The following SLC35G2 variants were observed in gnomAD, a reference collection of about 807,000 sequenced individuals.
The protein encoded by SLC35G2 is solute carrier family 35 member G2, also known as transmembrane protein 22.
SLC35G2 carries 20 observed loss-of-function variants against 27.2 expected under a neutral mutation model. The ratio of observed to expected loss-of-function variants is 0.74; its 90% CI spans 0.52 to 1.07. SLC35G2 has a LOEUF of 1.07. Ranked by LOEUF, SLC35G2 falls within the 50% of genes least tolerant of loss-of-function variation. SLC35G2 has a pLI of 0.00. For missense variants in SLC35G2, 416 were observed against 493.3 expected (o/e 0.84, Z 1.48); for synonymous variants, 148 against 165.3 (o/e 0.90, Z 0.80).
intron 1 of SLC35G2, among the ~76,000 whole-genome samples, chr3:136,844,797 CAAAAAAAAAAAA>C (rs58243269): frequency 2.8e-5 from 1 of 35,760 alleles, no homozygotes; most frequent in Non-Finnish European, 5.7e-5. Context: ...CTCTCTGTCT[CAAAAAAAAAAAA>C]AAAAAAAAAA....
chr3:136,829,854 A>T (rs978070152), intron 1 of SLC35G2, among the ~76,000 whole-genome samples: 12 of 151,790 alleles, frequency 7.9e-5, no homozygotes, highest in Non-Finnish European at 1.6e-4. Flanking sequence ...TCCTTTCTTT[A>T]TCCTTGATCT....
At chr3:136,847,907 G>A (rs562028717) in intron 1 of SLC35G2, among the ~76,000 whole-genome samples, 1 of 152,196 alleles carries the variant, frequency 6.6e-6, no homozygotes, top group African/African-American at 2.4e-5. Flanking sequence ...AACCTGGGAG[G>A]CAGAGGTTGC....
In SLC35G2 at chr3:136,838,246, C is replaced by CATATATATATATAT. The variant is rs6148084; in HGVS notation, c.-18-16173_-18-16160dup. The CATATATATATATAT allele has an allele frequency of 1.6e-3, 228 of 140,906 alleles. 1 individual carries two copies. Among genetic ancestry groups the CATATATATATATAT allele is most frequent in the African/African-American group, 5.9e-3 (220 of 37,256 alleles). The allele number at this position is 140,906 out of a possible 1,614,324, so 8.7% of individuals were successfully genotyped here. On this transcript the variant is annotated intron_variant, in intron 1 of 1. Transcript: ENST00000446465. ...CTCTTCAATTTTGCAGTAGCATATA[C>CATATATATATATAT]ATATATATATATATATATATATATA...
At chr3:136,850,665 T>A (rs562586208) in intron 1 of SLC35G2, among the ~76,000 whole-genome samples, 1 of 152,036 alleles carries the variant, frequency 6.6e-6, no homozygotes, top group Non-Finnish European at 1.5e-5. Flanking sequence ...TTTGTATTTG[T>A]ATCCAAAAAT....
rs1360715673 is a variant in SLC35G2 at position 136,833,043 on chromosome 3, TG to T, written c.-19+13418del. Among the ~76,000 whole-genome samples the T allele has an allele frequency of 2.9e-5, 4 of 139,742 alleles. No homozygotes were observed. The Admixed American group carries it at 3.1e-4, about 11-fold the overall frequency. The allele number at this position is 139,742 out of a possible 152,430, so 91.7% of individuals were successfully genotyped here. On this transcript the variant is annotated intron_variant, in intron 1 of 1. Transcript: ENST00000446465. Reference sequence around the variant, plus strand: ...GAGATCGCGCCACTGCACTCCAGCCTGGGTGACAACAGCGAGACTCTGTCTC... The same window carrying T: ...GAGATCGCGCCACTGCACTCCAGCCTGGTGACAACAGCGAGACTCTGTCTC...
intron 1 of SLC35G2, among the ~76,000 whole-genome samples, chr3:136,833,495 A>G (rs1040795917): frequency 6.6e-6 from 1 of 152,126 alleles, no homozygotes; most frequent in Non-Finnish European, 1.5e-5. Flanking sequence ...GACTGGTTTC[A>G]TGGAAGACAG....
At chr3:136,829,123 G>C (rs919106833) in intron 1 of SLC35G2, among the ~76,000 whole-genome samples, 2 of 151,884 alleles carry the variant, frequency 1.3e-5, no homozygotes, top group African/African-American at 4.8e-5. Flanking sequence ...TTATCATTTA[G>C]TCTTTCTACA....
intron 1 of SLC35G2, among the ~76,000 whole-genome samples, chr3:136,836,575 G>GA (rs1242482248): frequency 2.6e-5 from 4 of 152,270 alleles, no homozygotes; most frequent in African/African-American, 7.2e-5. Flanking sequence ...AATGCTCATG[G>GA]AAAAAAGGCC....
chr3:136,827,879 T>G (rs1010256442), intron 1 of SLC35G2, among the ~76,000 whole-genome samples: 3 of 151,850 alleles, frequency 2.0e-5, no homozygotes, highest in Non-Finnish European at 4.4e-5. Flanking sequence ...CTGTCTGAAG[T>G]GCAGTGGCAT....
At chr3:136,852,025 A>T (rs1327463089) in intron 1 of SLC35G2, among the ~76,000 whole-genome samples, 1 of 152,228 alleles carries the variant, frequency 6.6e-6, no homozygotes, top group African/African-American at 2.4e-5. Flanking sequence ...CAGAAAAGAT[A>T]ATTCACAGTA....
At chr3:136,851,311 G>A (rs1205760042) in intron 1 of SLC35G2, among the ~76,000 whole-genome samples, 7 of 151,710 alleles carry the variant, frequency 4.6e-5, no homozygotes, top group East Asian at 2.0e-4. Context: ...TGGCTAATAC[G>A]GTGAAACCCT....
chr3:136,830,574 C>T (rs759530200), intron 1 of SLC35G2, among the ~76,000 whole-genome samples: 124 of 152,114 alleles, frequency 8.2e-4, no homozygotes, highest in Admixed American at 9.2e-4. Flanking sequence ...TGAGCCACCG[C>T]GCCTGGCCTA....
rs144562311 is a variant in SLC35G2 at position 136,834,903 on chromosome 3, C to G, written c.-19+15275C>G. ...GATAACTCTCTTATTATTCTTCACC[C>G]AAGTTCTCCAATTGTAAACATTTTA... is the stretch of plus-strand genomic sequence containing the variant. On this transcript the variant is annotated intron_variant, in intron 1 of 1. Transcript: ENST00000446465. Among the ~76,000 whole-genome samples the G allele has an allele frequency of 3.1e-3, 470 of 152,278 alleles. 6 individuals are homozygous for G. Among genetic ancestry groups the G allele is most frequent in the African/African-American group, 0.011 (455 of 41,550 alleles).
intron 1 of SLC35G2, among the ~76,000 whole-genome samples, chr3:136,832,139 G>A (rs1431483112): frequency 1.3e-5 from 2 of 151,774 alleles, no homozygotes; most frequent in Middle Eastern, 3.2e-3. Context: ...TCAGCCTCCC[G>A]AGTAGCTGGG....
chr3:136,850,808 A>G (rs1165542622), intron 1 of SLC35G2, among the ~76,000 whole-genome samples: 5 of 152,028 alleles, frequency 3.3e-5, no homozygotes, highest in African/African-American at 7.2e-5. Flanking sequence ...ATCGTGGGCA[A>G]CATGGCAAAA....
chr3:136,854,563 G>T lies in SLC35G2; in HGVS notation c.103G>T (p.Asp35Tyr), dbSNP rs150150766. The change falls in exon 2 of 2, where the codon GAT becomes TAT. Residue 35 changes from aspartate (D) to tyrosine (Y), a missense_variant. Coordinates refer to ENST00000446465, the MANE Select transcript of SLC35G2 (RefSeq NM_025246.3). ...TACTTCTCATTATCCCCAGCCTGGC[G>T]ATGATGGATATGAAGAAATCAATGA... ...KYTSHYPQPG[D>Y]DGYEEINEGY... is the part of the protein sequence containing the mutation. 2 of 1,612,862 alleles carry T rather than the reference G, an allele frequency of 1.2e-6. No homozygotes were observed. The highest frequency in any genetic ancestry group is 2.7e-5 in the African/African-American group (2 of 74,920).
chr3:136,843,259 C>A (rs1432349630), intron 1 of SLC35G2: 1 of 126,868 alleles, frequency 7.9e-6, no homozygotes. Context: ...GGAGGCGGAG[C>A]TTGCAGTGAG....
chr3:136,835,260 C>A (rs192079912), intron 1 of SLC35G2, among the ~76,000 whole-genome samples: 1 of 149,290 alleles, frequency 6.7e-6, no homozygotes, highest in African/African-American at 2.4e-5. Flanking sequence ...TTCCTCAATC[C>A]TTCCTTATCT....
chr3:136,840,353 G>A (rs1017717540), intron 1 of SLC35G2, among the ~76,000 whole-genome samples: 1 of 152,098 alleles, frequency 6.6e-6, no homozygotes, highest in Admixed American at 6.5e-5. Flanking sequence ...TTGTGCTTCC[G>A]TTAGTACTGC....
Sources: gnomAD v4.1 joint callset for allele counts (sites outside exome capture counted in the v4.1 genomes callset) on GRCh38, gnomAD v4.1.1 for gene constraint, MANE v1.5 for transcripts, NCBI Gene and HGNC (gene_info 2026-07-23, HGNC 2026-07-21) for gene names.